The following FBN2 variants were observed in gnomAD, a reference collection of about 807,000 sequenced individuals.
The protein encoded by FBN2 is fibrillin-2.
FBN2 carries 105 observed loss-of-function variants against 355.6 expected under a neutral mutation model. That is an observed-to-expected ratio of 0.30 (90% CI 0.25 to 0.35). FBN2 has a LOEUF of 0.35. FBN2 is among the 10% of genes least tolerant of loss of function. The pLI is 1.00. For synonymous variants in FBN2, 1,350 were observed against 1,301.2 expected (o/e 1.04, Z -0.81); for missense variants, 3,280 against 3,758.7 (o/e 0.87, Z 3.33).
rs759680010 is a variant in FBN2, at chr5:128,369,290, C to G, written c.2140G>C (p.Val714Leu). Residue 714 changes from valine (V) to leucine (L), a missense_variant, in exon 16 of 65, where the codon GTG becomes CTG. Coordinates refer to ENST00000262464, the MANE Select transcript of FBN2 (RefSeq NM_001999.4). ...GCACCGGGGAAAGGACGCACACACA[C>G]TCCTTTCTTGATTCCTCCATAGCAG... Reference protein sequence around the residue: ...STCYGGIKKGVCVRPFPGAVT... With the variant: ...STCYGGIKKGLCVRPFPGAVT... The G allele has an allele frequency of 6.2e-7, 1 of 1,614,018 alleles. No individual in the cohort carries two copies. Among genetic ancestry groups the G allele is most frequent in the South Asian group, 1.1e-5 (1 of 91,084 alleles).
intron 19 of FBN2, 82 bp downstream of exon 19, chr5:128,361,641 C>T (rs1407594881): frequency 1.4e-6 from 2 of 1,470,480 alleles, no homozygotes; most frequent in African/African-American, 2.8e-5. Flanking sequence ...CTTTTCACTA[C>T]ATTGCTTCAT....
chr5:128,457,985 G>A (rs572269445), intron 6 of FBN2, among the ~76,000 whole-genome samples: 5 of 152,084 alleles, frequency 3.3e-5, no homozygotes, highest in Admixed American at 6.5e-5. Flanking sequence ...ATGTAAATGG[G>A]CTAAATGCCC....
chr5:128,481,459 A>G (rs1159467453), intron 5 of FBN2, among the ~76,000 whole-genome samples: 1 of 152,148 alleles, frequency 6.6e-6, no homozygotes, highest in Non-Finnish European at 1.5e-5. Flanking sequence ...GTAGGAAGGG[A>G]TTATGGCACA....
chr5:128,470,455 AAAG>A (rs1754829214), intron 5 of FBN2, among the ~76,000 whole-genome samples: 2 of 152,206 alleles, frequency 1.3e-5, no homozygotes, highest in Non-Finnish European at 2.9e-5. Context: ...TGGGGTTAAG[AAAG>A]AAGGTTTTTA....
At chr5:128,383,918 C>G (rs1235482618) in intron 11 of FBN2, among the ~76,000 whole-genome samples, 1 of 151,998 alleles carries the variant, frequency 6.6e-6, no homozygotes, top group Admixed American at 6.6e-5. Flanking sequence ...TCTTCTCACA[C>G]AATCCAGCCA....
chr5:128,350,794 G>A lies in FBN2; in HGVS notation c.2812+74C>T, dbSNP rs200536894. 4.8e-3 allele frequency: 7,296 copies of A among 1,510,090 alleles called. 24 individuals are homozygous for A. The highest frequency in any genetic ancestry group is 5.7e-3 in the Non-Finnish European group (6,208 of 1,086,386). 93.5% of individuals were successfully genotyped at this position (1,510,090 alleles called of 1,614,324 possible). ...CTGACCTTCTTCACTAAGGAACTGC[G>A]TAGTGAAAGAGGTGTCCTAGTGGCA... On this transcript the variant is annotated intron_variant, in intron 21 of 64. Coordinates refer to ENST00000262464, the MANE Select transcript of FBN2 (RefSeq NM_001999.4).
intron 7 of FBN2, among the ~76,000 whole-genome samples, chr5:128,431,620 G>A (rs1375849399): frequency 6.6e-6 from 1 of 152,098 alleles, no homozygotes; most frequent in East Asian, 1.9e-4. Context: ...GCCTTATTAA[G>A]TCAAGAGCTT....
At chr5:128,271,752 T>C (rs752314797) in intron 62 of FBN2, among the ~76,000 whole-genome samples, 1 of 152,170 alleles carries the variant, frequency 6.6e-6, no homozygotes, top group Non-Finnish European at 1.5e-5. Flanking sequence ...ACTTAGCAGA[T>C]ATTTAAAATG....
chr5:128,361,257 C>A (rs944808182), intron 19 of FBN2, among the ~76,000 whole-genome samples: 2 of 152,138 alleles, frequency 1.3e-5, no homozygotes, highest in African/African-American at 4.8e-5. Context: ...TTAAAGTTAT[C>A]ATTTTTACTT....
chr5:128,519,398 A>C lies in FBN2; in HGVS notation c.533-30T>G, dbSNP rs140941777. On this transcript the variant is annotated intron_variant, in intron 4 of 64. Coordinates refer to ENST00000262464, the MANE Select transcript of FBN2 (RefSeq NM_001999.4). ...ATACAAAAATAGCAAGAAGCTCATT[A>C]TATAGCCAGTCTCCAAGCACAATAT... 4.7e-4 allele frequency: 723 copies of C among 1,549,860 alleles called. 5 individuals are homozygous for C. The African/African-American group carries it at 8.6e-3, about 18-fold the overall frequency.
chr5:128,533,418 G>A (rs541226693), intron 2 of FBN2, among the ~76,000 whole-genome samples: 1 of 152,238 alleles, frequency 6.6e-6, no homozygotes, highest in East Asian at 1.9e-4. Flanking sequence ...AGGCCCTTTT[G>A]CCCCACAACA....
intron 20 of FBN2, among the ~76,000 whole-genome samples, chr5:128,352,854 T>A (rs1313130780): frequency 2.0e-5 from 3 of 152,180 alleles, no homozygotes; most frequent in Non-Finnish European, 2.9e-5. Flanking sequence ...TATTTGAAAA[T>A]TCATTTTAAT....
chr5:128,337,925 G>T, intron 27 of FBN2, 72 bp downstream of exon 27: 1 of 1,549,346 alleles, frequency 6.5e-7, no homozygotes, highest in Non-Finnish European at 8.9e-7. Context: ...CAAACAACAG[G>T]TTTGTCAGAA....
intron 14 of FBN2, 46 bp downstream of exon 14, chr5:128,376,685 G>A (rs1752085282): frequency 2.5e-6 from 4 of 1,607,776 alleles, no homozygotes; most frequent in Non-Finnish European, 3.4e-6. Flanking sequence ...AAATAAAAAA[G>A]GTGGTTTCAA....
intron 8 of FBN2, 119 bp from the exon 9 acceptor site, chr5:128,395,393 A>C (rs929250422): frequency 9.4e-7 from 1 of 1,067,316 alleles, no homozygotes; most frequent in African/African-American, 1.5e-5. Flanking sequence ...TCTGTTATCT[A>C]TTCCTTTCTT....
intron 6 of FBN2, among the ~76,000 whole-genome samples, chr5:128,449,985 A>G (rs1288223633): frequency 6.6e-6 from 1 of 152,152 alleles, no homozygotes; most frequent in African/African-American, 2.4e-5. Context: ...AGAAGACATG[A>G]TAATGCTAAC....
intron 6 of FBN2, among the ~76,000 whole-genome samples, chr5:128,447,134 T>C (rs1754087213): frequency 6.6e-6 from 1 of 152,146 alleles, no homozygotes; most frequent in South Asian, 2.1e-4. Context: ...CTCAGGACCC[T>C]GTGATGATTG....
At chr5:128,482,958 G>A (rs1481569890) in intron 5 of FBN2, among the ~76,000 whole-genome samples, 2 of 152,168 alleles carry the variant, frequency 1.3e-5, no homozygotes, top group African/African-American at 4.8e-5. Context: ...GGCCATCAAT[G>A]CTGAATTGGA....
intron 8 of FBN2, among the ~76,000 whole-genome samples, chr5:128,397,483 C>T (rs1229597768): frequency 6.6e-6 from 1 of 152,132 alleles, no homozygotes; most frequent in Admixed American, 6.5e-5. Context: ...GTCAAGAGAC[C>T]TAGTTTTACA....
Sources: allele counts gnomAD v4.1 joint callset (sites outside exome capture counted in the v4.1 genomes callset), GRCh38; gene constraint gnomAD v4.1.1; transcripts MANE v1.5; gene names NCBI Gene and HGNC (gene_info 2026-07-23, HGNC 2026-07-21).